The following SBF2 variants were observed in gnomAD, a reference collection of about 807,000 sequenced individuals.
The protein encoded by SBF2 is myotubularin-related protein 13.
In SBF2, 112 loss-of-function variants were observed where a neutral mutation model predicts 225.2. The ratio of observed to expected loss-of-function variants is 0.50; its 90% CI spans 0.43 to 0.58. The LOEUF is 0.58. Ranked by LOEUF, SBF2 falls within the 20% of genes least tolerant of loss-of-function variation. The probability of loss-of-function intolerance (pLI) is 0.00; values close to 1 mark genes in which losing one functional copy is unlikely to be tolerated. For missense variants in SBF2, 1,996 were observed against 2,206.2 expected (o/e 0.90, Z 1.91); for synonymous variants, 763 against 773.3 (o/e 0.99, Z 0.22).
intron 13 of SBF2, among the ~76,000 whole-genome samples, chr11:9,973,053 T>C (rs965046931): frequency 6.6e-6 from 1 of 152,212 alleles, no homozygotes; most frequent in Non-Finnish European, 1.5e-5. Context: ...GTTTTCTGGC[T>C]CCTGAGTCTG....
At chr11:10,004,574 T>TAAAAAAAAAAAAAAAAAAAAAAA (rs763688115) in intron 6 of SBF2, among the ~76,000 whole-genome samples, 1 of 85,558 alleles carries the variant, frequency 1.2e-5, no homozygotes, top group Non-Finnish European at 2.3e-5. Flanking sequence ...CTACAAAAAT[T>TAAAAAAAAAAAAAAAAAAAAAAA]AAAAAAAAAA....
intron 15 of SBF2, among the ~76,000 whole-genome samples, chr11:9,962,858 A>T (rs922176688): frequency 2.6e-5 from 4 of 152,196 alleles, no homozygotes; most frequent in Non-Finnish European, 2.9e-5. Context: ...AGGATGTGAA[A>T]GTTGAAAGCA....
At chr11:9,863,770 A>G (rs1433198566) in intron 17 of SBF2, among the ~76,000 whole-genome samples, 1 of 147,792 alleles carries the variant, frequency 6.8e-6, no homozygotes, top group African/African-American at 2.5e-5. Flanking sequence ...TTTTTTTTTT[A>G]AAGAAAGGAC....
At chr11:9,967,943 G>GTCTCTCTC (rs1213862161) in intron 14 of SBF2, among the ~76,000 whole-genome samples, 1 of 104,898 alleles carries the variant, frequency 9.5e-6, no homozygotes, top group African/African-American at 3.7e-5. Context: ...CTGTCTGTCT[G>GTCTCTCTC]TCTGTCTCTC....
chr11:10,063,306 C>T (rs1423446234), intron 2 of SBF2, among the ~76,000 whole-genome samples: 1 of 150,036 alleles, frequency 6.7e-6, no homozygotes, highest in Non-Finnish European at 1.5e-5. Context: ...TCACATGTAC[C>T]CTCTAACCTA....
At chr11:9,869,369 A>G (rs1279944814) in intron 17 of SBF2, among the ~76,000 whole-genome samples, 1 of 152,004 alleles carries the variant, frequency 6.6e-6, no homozygotes, top group Admixed American at 6.6e-5. Flanking sequence ...CCCAGGCTGG[A>G]GTGCAGTGGC....
At chr11:9,845,513 T>A in intron 24 of SBF2, 52 bp downstream of exon 24, 1 of 1,514,668 alleles carries the variant, frequency 6.6e-7, no homozygotes, top group Non-Finnish European at 9.2e-7. Flanking sequence ...GTTACTCCTT[T>A]TGCAATCAAT....
chr11:10,062,292 TGAC>T (rs1950478923), intron 2 of SBF2, among the ~76,000 whole-genome samples: 2 of 152,210 alleles, frequency 1.3e-5, no homozygotes, highest in Admixed American at 1.3e-4. Flanking sequence ...AAAGATTTCA[TGAC>T]GAAGTCACCA....
At chr11:10,094,319 A>T (rs1311526867) in intron 2 of SBF2, among the ~76,000 whole-genome samples, 1 of 152,050 alleles carries the variant, frequency 6.6e-6, no homozygotes, top group Non-Finnish European at 1.5e-5. Flanking sequence ...ACGAAACTCC[A>T]TCTCAAAAAA....
chr11:9,914,706 A>G (rs1292150480), intron 16 of SBF2, among the ~76,000 whole-genome samples: 3 of 152,178 alleles, frequency 2.0e-5, no homozygotes, highest in Non-Finnish European at 4.4e-5. Flanking sequence ...ACAAAAATCA[A>G]AATTTTCTGT....
At chr11:10,067,730 A>T (rs190753481) in intron 2 of SBF2, among the ~76,000 whole-genome samples, 29 of 152,086 alleles carry the variant, frequency 1.9e-4, no homozygotes, top group Admixed American at 9.2e-4. Context: ...CCCTGTCTCT[A>T]TAAAAAATAA....
At chr11:10,278,589 C>G (rs1011057011) in intron 1 of SBF2, among the ~76,000 whole-genome samples, 3 of 151,654 alleles carry the variant, frequency 2.0e-5, no homozygotes, top group Non-Finnish European at 4.4e-5. Flanking sequence ...GAGATCAGTC[C>G]GGCCAACATG....
At chr11:9,796,514 A>C (rs1853137296) in intron 32 of SBF2, among the ~76,000 whole-genome samples, 1 of 152,244 alleles carries the variant, frequency 6.6e-6, no homozygotes, top group African/African-American at 2.4e-5. Context: ...TGGCTGCTTA[A>C]GGGGACAGCA....
At chr11:10,162,814 C>T (rs1955809574) in intron 2 of SBF2, among the ~76,000 whole-genome samples, 1 of 152,008 alleles carries the variant, frequency 6.6e-6, no homozygotes. Flanking sequence ...ACTATATGAC[C>T]TTTACAGATC....
intron 2 of SBF2, among the ~76,000 whole-genome samples, chr11:10,102,275 A>G (rs1952340519): frequency 6.6e-6 from 1 of 152,226 alleles, no homozygotes; most frequent in Non-Finnish European, 1.5e-5. Context: ...CTCCCCAGCT[A>G]TGCTGGAAAG....
At chr11:9,975,865 T>C (rs1266604494) in intron 13 of SBF2, among the ~76,000 whole-genome samples, 1 of 152,106 alleles carries the variant, frequency 6.6e-6, no homozygotes, top group African/African-American at 2.4e-5. Context: ...ATATCATCAG[T>C]GTAGATGACA....
intron 21 of SBF2, among the ~76,000 whole-genome samples, chr11:9,851,068 G>A (rs1200475057): frequency 6.6e-6 from 1 of 150,436 alleles, no homozygotes; most frequent in Admixed American, 6.7e-5. Context: ...CCTGGGAGGG[G>A]GAGGTTGCAG....
At chr11:10,238,442 CACTA>C (rs1959165603) in intron 1 of SBF2, among the ~76,000 whole-genome samples, 1 of 152,056 alleles carries the variant, frequency 6.6e-6, no homozygotes, top group Non-Finnish European at 1.5e-5. Flanking sequence ...AACATGAAAA[CACTA>C]ACCAAAAGAA....
Position 10,196,866 on chromosome 11 carries a change from A to ATATTTTTT in SBF2, c.56-2880_56-2879insAAAAAATA. The stretch of plus-strand genomic sequence containing the variant: ...TATATATATATATATATATATATAT[A>ATATTTTTT]TTTTTTTTTTCCTACAAAATGAATA... On this transcript the variant is annotated intron_variant, in intron 1 of 39. Transcript: ENST00000256190. Among the ~76,000 whole-genome samples the ATATTTTTT allele has an allele frequency of 3.9e-3, 387 of 99,254 alleles. 4 individuals are homozygous for ATATTTTTT. The highest frequency in any genetic ancestry group is 0.015 in the African/African-American group (359 of 24,746). 65.1% of individuals were successfully genotyped at this position (99,254 alleles called of 152,430 possible). A position where few individuals can be genotyped will look rare whatever the true frequency, so the allele number is the denominator to read the frequency against.
Sources: allele counts gnomAD v4.1 joint callset (sites outside exome capture counted in the v4.1 genomes callset), GRCh38; gene constraint gnomAD v4.1.1; transcripts MANE v1.5; gene names NCBI Gene and HGNC (gene_info 2026-07-23, HGNC 2026-07-21).